The following AGMO variants were observed in gnomAD, a reference collection of about 807,000 sequenced individuals.
AGMO encodes the protein alkylglycerol monooxygenase, also known as glyceryl-ether monooxygenase.
In AGMO, 75 loss-of-function variants were observed where a neutral mutation model predicts 60.2. The ratio of observed to expected loss-of-function variants is 1.25; its 90% confidence interval spans 1.03 to 1.51. AGMO has a LOEUF of 1.51. AGMO is among the 40% of genes most tolerant of loss of function. The pLI is 0.00. For synonymous variants in AGMO, 261 were observed against 177.1 expected (o/e 1.47, Z -3.76); for missense variants, 763 against 525.5 (o/e 1.45, Z -4.42).
chr7:15,534,936 C>T (rs916915260), intron 3 of AGMO, among the ~76,000 whole-genome samples: 2 of 151,740 alleles, frequency 1.3e-5, no homozygotes, highest in African/African-American at 4.8e-5. Context: ...ATAAACAGGT[C>T]AGACAACATA....
chr7:15,408,914 G>T (rs908558010), intron 5 of AGMO, among the ~76,000 whole-genome samples: 2 of 151,796 alleles, frequency 1.3e-5, no homozygotes, highest in Non-Finnish European at 2.9e-5. Flanking sequence ...GGGGAAGGGA[G>T]AATTTGAGTT....
At chr7:15,387,324 A>G (rs946172360) in intron 9 of AGMO, 82 bp downstream of exon 9, 14 of 1,463,874 alleles carry the variant, frequency 9.6e-6, no homozygotes, top group African/African-American at 2.8e-5. Context: ...ATTTGCATGA[A>G]AACAGCGTAT....
chr7:15,548,536 C>T (rs891887188), intron 2 of AGMO, among the ~76,000 whole-genome samples: 5 of 150,554 alleles, frequency 3.3e-5, no homozygotes, highest in Middle Eastern at 3.4e-3. Flanking sequence ...GCTCAGGAGC[C>T]GATGTGATCA....
intron 3 of AGMO, among the ~76,000 whole-genome samples, chr7:15,491,266 T>A (rs1335063655): frequency 6.6e-6 from 1 of 152,132 alleles, no homozygotes; most frequent in Non-Finnish European, 1.5e-5. Flanking sequence ...GAGCAATACA[T>A]AATTATTCAG....
At chr7:15,451,549 G>T (rs12113531) in intron 3 of AGMO, among the ~76,000 whole-genome samples, 9,255 of 152,054 alleles carry the variant, frequency 0.061, 911 homozygotes, top group African/African-American at 0.21. Context: ...TGGTGGACGA[G>T]CAGACAAATT....
chr7:15,420,908 A>G (rs28541411), intron 4 of AGMO, among the ~76,000 whole-genome samples: 9,078 of 152,198 alleles, frequency 0.06, 361 homozygotes, highest in African/African-American at 0.1. Flanking sequence ...ATTGTCTTGT[A>G]GAAGTCATAC....
chr7:15,130,433 A>G, the AGMO span, among the ~76,000 whole-genome samples: 1 of 151,986 alleles, frequency 6.6e-6, no homozygotes, highest in African/African-American at 2.4e-5. Context: ...GCGTATTTTC[A>G]ACATCTTTCT....
intron 12 of AGMO, among the ~76,000 whole-genome samples, chr7:15,327,320 TAA>T (rs1321015476): frequency 2.6e-5 from 4 of 152,146 alleles, no homozygotes; most frequent in Non-Finnish European, 4.4e-5. Context: ...GAAAAAGAAA[TAA>T]GTGTTGGAGA....
At chr7:15,506,238 T>G (rs1783509562) in intron 3 of AGMO, among the ~76,000 whole-genome samples, 1 of 151,740 alleles carries the variant, frequency 6.6e-6, no homozygotes, top group Non-Finnish European at 1.5e-5. Flanking sequence ...AGAAACTGAA[T>G]GTAAATGATA....
chr7:15,560,647 G>T (rs1188019277), intron 1 of AGMO, among the ~76,000 whole-genome samples: 2 of 152,090 alleles, frequency 1.3e-5, no homozygotes, highest in Non-Finnish European at 2.9e-5. Flanking sequence ...CACTTCAAGA[G>T]GCTTTCCTTA....
At chr7:15,144,388 G>C in the AGMO span, among the ~76,000 whole-genome samples, 4 of 152,108 alleles carry the variant, frequency 2.6e-5, no homozygotes, top group Non-Finnish European at 1.5e-5. Context: ...CTTTCTGACA[G>C]AGTAGAAACT....
At chr7:15,286,047 T>C (rs1421823444) in intron 12 of AGMO, among the ~76,000 whole-genome samples, 1 of 152,106 alleles carries the variant, frequency 6.6e-6, no homozygotes, top group Admixed American at 6.5e-5. Flanking sequence ...ACTGGATCCC[T>C]ATCTCTCACC....
Position 15,385,434 on chromosome 7 carries a change from GA to G in AGMO, c.1074+11del, listed in dbSNP as rs1010925531. 12 of 1,482,820 alleles carry G rather than the reference GA, an allele frequency of 8.1e-6. No homozygotes were observed. Among genetic ancestry groups the G allele is most frequent in the Non-Finnish European group, 7.5e-6 (8 of 1,065,664 alleles). 91.9% of individuals were successfully genotyped at this position (1,482,820 alleles called of 1,614,324 possible). ...TAATGTTCTCACACTACTTAAAATG[GA>G]TATTACTTACAGCTGTATCTGCAAA... On this transcript the variant is annotated intron_variant, in intron 10 of 12. Coordinates refer to ENST00000342526, the MANE Select transcript of AGMO (RefSeq NM_001004320.2).
chr7:15,426,388 G>T (rs1032478438), intron 4 of AGMO, among the ~76,000 whole-genome samples: 3 of 152,040 alleles, frequency 2.0e-5, no homozygotes, highest in Non-Finnish European at 4.4e-5. Flanking sequence ...ATAATGAAAA[G>T]CGTTAACTAC....
chr7:15,317,900 C>T (rs1216462151), intron 12 of AGMO, among the ~76,000 whole-genome samples: 89 of 146,422 alleles, frequency 6.1e-4, no homozygotes, highest in African/African-American at 2.2e-3. Flanking sequence ...TATATATACA[C>T]ACACACGTAT....
intron 12 of AGMO, chr7:15,306,430 GGA>G: frequency 2.2e-6 from 1 of 451,698 alleles, no homozygotes; most frequent in South Asian, 1.7e-5. Context: ...GTAGAGAACT[GGA>G]TAATAGGAAA....
the AGMO span, among the ~76,000 whole-genome samples, chr7:15,138,994 C>T: frequency 6.6e-6 from 1 of 152,118 alleles, no homozygotes; most frequent in Non-Finnish European, 1.5e-5. Flanking sequence ...CCTGAACTAA[C>T]CACCCAAATT....
intron 12 of AGMO, among the ~76,000 whole-genome samples, chr7:15,284,877 A>G (rs894185141): frequency 6.6e-5 from 10 of 152,162 alleles, no homozygotes; most frequent in South Asian, 2.1e-4. Context: ...AAGATAATAA[A>G]TCATGATCAA....
chr7:15,560,368 T>G (rs1444078051), intron 1 of AGMO, 97 bp from the exon 2 acceptor site: 2 of 1,361,562 alleles, frequency 1.5e-6, no homozygotes, highest in Non-Finnish European at 2.0e-6. Context: ...AGGCCCAGAT[T>G]TGGGAAGCCC....
Sources: allele counts gnomAD v4.1 joint callset (sites outside exome capture counted in the v4.1 genomes callset), GRCh38; gene constraint gnomAD v4.1.1; transcripts MANE v1.5; gene names NCBI Gene and HGNC (gene_info 2026-07-23, HGNC 2026-07-21).